Variants in GRIN2B observed in about 807,000 individuals in gnomAD.
GRIN2B encodes the protein glutamate receptor ionotropic, NMDA 2B.
Under a neutral mutation model 114.5 loss-of-function variants are expected in GRIN2B, and 5 were observed. The ratio of observed to expected loss-of-function variants is 0.04; its 90% CI spans 0.02 to 0.09. GRIN2B has a LOEUF of 0.09. GRIN2B is among the 10% of genes least tolerant of loss of function. The probability of loss-of-function intolerance (pLI) is 1.00; values close to 1 mark genes in which losing one functional copy is unlikely to be tolerated. For missense variants in GRIN2B, 1,108 were observed against 1,943.5 expected, an observed-to-expected ratio of 0.57 and a Z score of 8.08; for synonymous variants, 787 against 745.1, an observed-to-expected ratio of 1.06 and a Z score of -0.92.
At chr12:13,844,641 A>G (rs1036336918) in intron 3 of GRIN2B, among the ~76,000 whole-genome samples, 2 of 152,144 alleles carry the variant, frequency 1.3e-5, no homozygotes, top group East Asian at 1.9e-4. Flanking sequence ...GAAGACCTAC[A>G]TTCTAGTCCT....
Position 13,547,981 on chromosome 12 carries a change from A to ATATATATATAGATATTTTTTTTTTTTT in GRIN2B, c.*14801_*14802insAAAAAAAAAAAAATATCTATATATATA. ...TGTGTATATATATATATATATATAT[A>ATATATATATAGATATTTTTTTTTTTTT]TTTTTTTTTTTTTTCTGAAAGCTAC... On this transcript the variant is annotated 3_prime_UTR_variant, in exon 14 of 14. Transcript: ENST00000609686. The ATATATATATAGATATTTTTTTTTTTTT allele has an allele frequency of 1.5e-5, 1 of 68,578 alleles. No individual in the cohort carries two copies. The highest frequency in any genetic ancestry group is 4.6e-5 in the African/African-American group (1 of 21,750). 4.2% of individuals were successfully genotyped at this position (68,578 alleles called of 1,614,324 possible).
intron 5 of GRIN2B, among the ~76,000 whole-genome samples, chr12:13,631,273 A>G (rs1305984256): frequency 6.6e-6 from 1 of 152,188 alleles, no homozygotes; most frequent in African/African-American, 2.4e-5. Context: ...GTCTCAAAGC[A>G]AGAGATTTTC....
Position 13,550,882 on chromosome 12 carries a change from G to C in GRIN2B, c.*11901C>G, listed in dbSNP as rs1390730752. On this transcript the variant is annotated 3_prime_UTR_variant, in exon 14 of 14. Coordinates refer to ENST00000609686, the MANE Select transcript of GRIN2B (RefSeq NM_000834.5). ...GATGGGCTGCTCAGAGTCAACTCAG[G>C]ATAAGTATACCTCAAGATGAATAAA... 6.6e-6 allele frequency: 1 copy of C among 152,170 alleles called. No homozygotes were observed. Among genetic ancestry groups the C allele is most frequent in the Non-Finnish European group, 1.5e-5 (1 of 68,034 alleles). 9.4% of individuals were successfully genotyped at this position (152,170 alleles called of 1,614,324 possible).
chr12:13,607,306 TATATATAATATAAA>T (rs1949275827), intron 10 of GRIN2B, among the ~76,000 whole-genome samples: 1 of 69,368 alleles, frequency 1.4e-5, no homozygotes, highest in Non-Finnish European at 2.6e-5. Flanking sequence ...AAATATATAT[TATATATAATATAAA>T]ATATATAATA....
chr12:13,760,142 T>A (rs968258346), intron 3 of GRIN2B, among the ~76,000 whole-genome samples: 1 of 152,182 alleles, frequency 6.6e-6, no homozygotes, highest in Non-Finnish European at 1.5e-5. Context: ...CTTTTTCCCA[T>A]AGCATCTCTC....
chr12:13,842,478 T>C (rs905495221), intron 3 of GRIN2B, among the ~76,000 whole-genome samples: 1 of 151,844 alleles, frequency 6.6e-6, no homozygotes, highest in Admixed American at 6.6e-5. Context: ...CTAATTTCTG[T>C]GCCATTTTCT....
At chr12:13,942,369 T>C (rs12826869) in intron 2 of GRIN2B, among the ~76,000 whole-genome samples, 25,739 of 141,710 alleles carry the variant, frequency 0.18, 2,947 homozygotes, top group Middle Eastern at 0.26. Flanking sequence ...CTACATACTA[T>C]GTCTATACTT....
At chr12:13,619,049 A>G (rs1221385021) in intron 5 of GRIN2B, among the ~76,000 whole-genome samples, 1 of 152,192 alleles carries the variant, frequency 6.6e-6, no homozygotes, top group Admixed American at 6.5e-5. Context: ...GTGTCATATC[A>G]GGGGACTCTG....
intron 4 of GRIN2B, among the ~76,000 whole-genome samples, chr12:13,726,732 A>C (rs1862996327): frequency 6.6e-6 from 1 of 151,784 alleles, no homozygotes; most frequent in Non-Finnish European, 1.5e-5. Flanking sequence ...TAAGTTATTT[A>C]GTAGTGATTT....
At chr12:13,947,237 G>A (rs888509826) in intron 2 of GRIN2B, among the ~76,000 whole-genome samples, 2 of 152,190 alleles carry the variant, frequency 1.3e-5, no homozygotes, top group Non-Finnish European at 2.9e-5. Context: ...ACTGGTCAGT[G>A]TAGCTAATAA....
At chr12:13,820,696 G>A (rs1376663371) in intron 3 of GRIN2B, among the ~76,000 whole-genome samples, 1 of 152,134 alleles carries the variant, frequency 6.6e-6, no homozygotes, top group African/African-American at 2.4e-5. Context: ...TAAATGAACT[G>A]GGATGAGGGC....
intron 2 of GRIN2B, among the ~76,000 whole-genome samples, chr12:13,949,966 G>T (rs1044950854): frequency 5.3e-5 from 8 of 152,124 alleles, no homozygotes; most frequent in African/African-American, 1.2e-4. Context: ...GCAACAAAAA[G>T]TAGTAAACAT....
At chr12:13,741,017 A>T (rs16909436) in intron 4 of GRIN2B, among the ~76,000 whole-genome samples, 1,775 of 152,192 alleles carry the variant, frequency 0.012, 37 homozygotes, top group African/African-American at 0.041. Flanking sequence ...ATAGCAGAGA[A>T]TCCAAGAAAG....
intron 10 of GRIN2B, among the ~76,000 whole-genome samples, chr12:13,589,289 A>G (rs1472337847): frequency 6.6e-6 from 1 of 152,220 alleles, no homozygotes; most frequent in Non-Finnish European, 1.5e-5. Flanking sequence ...AATTCAAAGA[A>G]ATGAGGACAG....
chr12:13,867,414 C>T (rs1865845250), intron 2 of GRIN2B, among the ~76,000 whole-genome samples: 1 of 152,146 alleles, frequency 6.6e-6, no homozygotes, highest in African/African-American at 2.4e-5. Flanking sequence ...TTTAATATAA[C>T]TAGTTCTGCT....
At chr12:13,825,477 TAATA>T (rs1378840474) in intron 3 of GRIN2B, among the ~76,000 whole-genome samples, 1 of 125,384 alleles carries the variant, frequency 8.0e-6, no homozygotes, top group Admixed American at 8.4e-5. Context: ...AATATATATA[TAATA>T]AATATATATA....
In GRIN2B at chr12:13,737,046, AG is replaced by A. The variant is rs1372449041; in HGVS notation, c.1010+16270del. On this transcript the variant is annotated intron_variant, in intron 4 of 13. Transcript: ENST00000609686. ...ACTCCATCTCAAAAAAAAAAAAAAA[AG>A]AAGAAGAAAAAGAACATGCAACATA... 5.6e-3 allele frequency among the ~76,000 whole-genome samples: 760 copies of A among 134,620 alleles called. 8 individuals are homozygous for A. The highest frequency in any genetic ancestry group is 0.019 in the African/African-American group (687 of 35,310). 88.3% of individuals were successfully genotyped at this position (134,620 alleles called of 152,430 possible). A position where few individuals can be genotyped will look rare whatever the true frequency, so the allele number is the denominator to read the frequency against.
intron 3 of GRIN2B, among the ~76,000 whole-genome samples, chr12:13,786,787 C>G (rs1203958808): frequency 6.6e-6 from 1 of 152,164 alleles, no homozygotes; most frequent in Non-Finnish European, 1.5e-5. Flanking sequence ...GAAACTGACA[C>G]AGCTTGTTTT....
chr12:13,842,988 TTTTG>T lies in GRIN2B; in HGVS notation c.411+22806_411+22809del, dbSNP rs562763617. 3.0e-3 allele frequency among the ~76,000 whole-genome samples: 440 copies of T among 144,526 alleles called. 1 individual carries two copies. Among genetic ancestry groups the T allele is most frequent in the Non-Finnish European group, 5.1e-3 (339 of 66,766 alleles). The allele number at this position is 144,526 out of a possible 152,430, so 94.8% of individuals were successfully genotyped here. On this transcript the variant is annotated intron_variant, in intron 3 of 13. Transcript: ENST00000609686. The stretch of plus-strand genomic sequence containing the variant: ...CACTGCTTTTTAATTTTTTGCGGTG[TTTTG>T]TTTTTTTTTAATTTTTACTTTTTAA...
Sources: gnomAD v4.1 joint callset for allele counts (sites outside exome capture counted in the v4.1 genomes callset) on GRCh38, gnomAD v4.1.1 for gene constraint, MANE v1.5 for transcripts, NCBI Gene and HGNC (gene_info 2026-07-23, HGNC 2026-07-21) for gene names.